The following SLC43A2 variants were observed in gnomAD, a reference collection of about 807,000 sequenced individuals.
SLC43A2 encodes large neutral amino acids transporter small subunit 4.
SLC43A2 carries 38 observed loss-of-function variants against 63.2 expected under a neutral mutation model. The ratio of observed to expected loss-of-function variants is 0.60; its 90% CI spans 0.46 to 0.79. The LOEUF (loss-of-function observed/expected upper bound fraction) is 0.79. Ranked by LOEUF, SLC43A2 falls within the 30% of genes least tolerant of loss-of-function variation. The pLI is 0.00. For synonymous variants in SLC43A2, 322 were observed against 331.0 expected, an observed-to-expected ratio of 0.97 and a Z score of 0.30; for missense variants, 644 against 756.2, an observed-to-expected ratio of 0.85 and a Z score of 1.74.
chr17:1,603,860 T>C (rs1406731670), intron 5 of SLC43A2, among the ~76,000 whole-genome samples: 9 of 152,158 alleles, frequency 5.9e-5, no homozygotes, highest in Non-Finnish European at 1.0e-4. Context: ...AAGCTAGTAA[T>C]GGTCAGATTG....
intron 5 of SLC43A2, among the ~76,000 whole-genome samples, chr17:1,608,211 T>C (rs1422984133): frequency 6.9e-6 from 1 of 145,706 alleles, no homozygotes; most frequent in Non-Finnish European, 1.5e-5. Context: ...CTGCTCTAGA[T>C]CAAAAAATGA....
intron 6 of SLC43A2, 36 bp from the exon 7 acceptor site, chr17:1,591,735 G>GGGGGGGGGA: frequency 1.5e-5 from 10 of 652,922 alleles, no homozygotes; most frequent in South Asian, 3.7e-5. Flanking sequence ...GGGGGGGGGA[G>GGGGGGGGGA]GGGGCAGAGT....
chr17:1,578,199 G>A lies in SLC43A2; in HGVS notation c.1424+51C>T, dbSNP rs1424378752. ...CAGTCCCACCAGCAACCTCCCCCCG[G>A]CCATTCCCACACCCTCGCCCACCAG... is the stretch of plus-strand genomic sequence containing the variant. On this transcript the variant is annotated intron_variant, in intron 12 of 13. Coordinates refer to ENST00000301335, the MANE Select transcript of SLC43A2 (RefSeq NM_152346.3). This position sits in a 1 kb window ranked among gnomAD's most constrained non-coding sequence, Gnocchi z 6.5. 7.0e-6 allele frequency: 11 copies of A among 1,574,766 alleles called. No homozygotes were observed. Among genetic ancestry groups the A allele is most frequent in the African/African-American group, 1.3e-5 (1 of 74,136 alleles).
chr17:1,570,850 CT>C lies in SLC43A2; in HGVS notation c.*4753del. 1 of 152,422 alleles carries C rather than the reference CT, an allele frequency of 6.6e-6. No individual in the cohort carries two copies. Among genetic ancestry groups the C allele is most frequent in the East Asian group, 1.9e-4 (1 of 5,190 alleles). 9.4% of individuals were successfully genotyped at this position (152,422 alleles called of 1,614,324 possible). Reference sequence around the variant, plus strand: ...GGGTCTTCACTGCGTATCCACGTAGCTGCACCACGCAGGCATTCTTTCCTCC... The same window carrying C: ...GGGTCTTCACTGCGTATCCACGTAGCGCACCACGCAGGCATTCTTTCCTCC... On this transcript the variant is annotated 3_prime_UTR_variant, in exon 14 of 14. Transcript: ENST00000301335.
At chr17:1,629,570 G>A (rs1908995685), upstream of SLC43A2, among the ~76,000 whole-genome samples, 1 of 152,192 alleles carries the variant, frequency 6.6e-6, no homozygotes, top group Non-Finnish European at 1.5e-5. Flanking sequence ...CCCGTCCTAG[G>A]ATGGGGTCTC....
intron 5 of SLC43A2, among the ~76,000 whole-genome samples, chr17:1,610,950 C>T (rs1237147074): frequency 6.6e-6 from 1 of 151,666 alleles, no homozygotes; most frequent in Non-Finnish European, 1.5e-5. Flanking sequence ...AAGCGATTCT[C>T]CTGCCTCAGC....
chr17:1,585,232 A>G, intron 10 of SLC43A2: 1 of 994,510 alleles, frequency 1.0e-6, no homozygotes, highest in Non-Finnish European at 1.2e-6. Flanking sequence ...TTCTTACTCA[A>G]TGCTTCTTCT....
rs1415041763 is a variant in SLC43A2, at chr17:1,606,245, C to T, written c.501+6950G>A. ...TGCAGACGCGGGGTCTACTGAGCCACGGCACTAAACTCCTGTCCCCTCTCT... is the reference window on the plus strand; with the variant it reads ...TGCAGACGCGGGGTCTACTGAGCCATGGCACTAAACTCCTGTCCCCTCTCT... On this transcript the variant is annotated intron_variant, in intron 5 of 13. Transcript: ENST00000301335. This position sits in a 1 kb window ranked among gnomAD's most constrained non-coding sequence, Gnocchi z 4.7. Among the ~76,000 whole-genome samples, 4 of 152,152 alleles carry T rather than the reference C, an allele frequency of 2.6e-5. No homozygotes were observed. The highest frequency in any genetic ancestry group is 6.5e-5 in the Admixed American group (1 of 15,276).
At chr17:1,604,744 T>C (rs1344912643) in intron 5 of SLC43A2, 4 of 1,535,840 alleles carry the variant, frequency 2.6e-6, no homozygotes, top group Non-Finnish European at 3.5e-6. Context: ...CCTCACCTCC[T>C]GCTGTTGCCT....
chr17:1,594,840 G>T (rs921863704), intron 5 of SLC43A2, among the ~76,000 whole-genome samples: 1 of 151,606 alleles, frequency 6.6e-6, no homozygotes, highest in Admixed American at 6.6e-5. Context: ...CGCCCGCCTT[G>T]GCCTCCCAAA....
chr17:1,616,803 G>A, intron 2 of SLC43A2, 34 bp from the exon 3 acceptor site: 1 of 1,605,838 alleles, frequency 6.2e-7, no homozygotes, highest in Non-Finnish European at 8.5e-7. Context: ...CTGACCTCAG[G>A]GTCATGACAG....
intron 3 of SLC43A2, chr17:1,616,320 A>G (rs1907657730): frequency 1.8e-6 from 1 of 543,260 alleles, no homozygotes; most frequent in East Asian, 3.0e-5. Flanking sequence ...CTTAGTGACA[A>G]GCAGCTCCGG....
intron 11 of SLC43A2, among the ~76,000 whole-genome samples, chr17:1,579,928 A>G (rs1471933013): frequency 6.6e-6 from 1 of 151,108 alleles, no homozygotes; most frequent in Non-Finnish European, 1.5e-5. Context: ...TGCACGCATC[A>G]GGCTTTCCTT....
At position 1,606,807 on chromosome 17, in the gene SLC43A2, G is replaced by C. The variant is rs757320527; in HGVS notation, c.501+6388C>G. ...CGTCCGCCCTCCACGGATGGCACGC[G>C]ATGGCCCAGGCCCTGTGCTGCAGGG... On this transcript the variant is annotated intron_variant, in intron 5 of 13. Coordinates refer to ENST00000301335, the MANE Select transcript of SLC43A2 (RefSeq NM_152346.3). This position sits in a 1 kb window ranked among gnomAD's most constrained non-coding sequence, Gnocchi z 4.7. Among the ~76,000 whole-genome samples, 1 of 152,348 alleles carries C rather than the reference G, an allele frequency of 6.6e-6. No individual in the cohort carries two copies. Among genetic ancestry groups the C allele is most frequent in the East Asian group, 1.9e-4 (1 of 5,188 alleles).
rs113730066 is a variant in SLC43A2, at chr17:1,584,590, G to T, written c.1218-1254C>A. Among the ~76,000 whole-genome samples the T allele has an allele frequency of 7.2e-3, 1,102 of 152,106 alleles. 14 individuals carry two copies. The highest frequency in any genetic ancestry group is 0.025 in the African/African-American group (1,045 of 41,494). ...GCACTCTGGGAGGCCGAGGCAAGCG[G>T]ATCACAAGATCAGGAGATCAAGACC... On this transcript the variant is annotated intron_variant, in intron 10 of 13. Coordinates refer to ENST00000301335, the MANE Select transcript of SLC43A2 (RefSeq NM_152346.3).
At chr17:1,584,480 A>G (rs1485353971) in intron 10 of SLC43A2, among the ~76,000 whole-genome samples, 1 of 152,176 alleles carries the variant, frequency 6.6e-6, no homozygotes, top group African/African-American at 2.4e-5. Context: ...GGCCTCAGGC[A>G]ATAAACCGTA....
At chr17:1,617,442 G>A (rs1406881765) in intron 2 of SLC43A2, among the ~76,000 whole-genome samples, 1 of 151,908 alleles carries the variant, frequency 6.6e-6, no homozygotes, top group Non-Finnish European at 1.5e-5. Flanking sequence ...CCAGGCTGGA[G>A]TGCAGTAGCA....
At chr17:1,591,989 A>G (rs1904860826) in intron 6 of SLC43A2, among the ~76,000 whole-genome samples, 1 of 152,182 alleles carries the variant, frequency 6.6e-6, no homozygotes, top group African/African-American at 2.4e-5. Flanking sequence ...GCAGGCTCAT[A>G]GTGATCGGCC....
chr17:1,600,134 G>A (rs1456999065), intron 5 of SLC43A2, among the ~76,000 whole-genome samples: 2 of 31,176 alleles, frequency 6.4e-5, no homozygotes, highest in African/African-American at 8.6e-5. Context: ...TATATTAATT[G>A]AATATATATA....
Sources: allele counts gnomAD v4.1 joint callset (sites outside exome capture counted in the v4.1 genomes callset), GRCh38; gene constraint gnomAD v4.1.1; non-coding constraint Gnocchi (gnomAD v3.1); transcripts MANE v1.5; gene names NCBI Gene and HGNC (gene_info 2026-07-23, HGNC 2026-07-21).